The following NHSL3 variants were observed in gnomAD, a reference collection of about 807,000 sequenced individuals.
The protein encoded by NHSL3 is NHS-like protein 3.
At chr1:32,757,764 G>A in the NHSL3 span, among the ~76,000 whole-genome samples, 1 of 152,196 alleles carries the variant, frequency 6.6e-6, no homozygotes, top group African/African-American at 2.4e-5. Flanking sequence ...ACACAGCAAG[G>A]AGATGGCTGA....
the NHSL3 span, chr1:32,770,397 C>A: frequency 6.2e-7 from 1 of 1,607,884 alleles, no homozygotes; most frequent in Non-Finnish European, 8.5e-7. This position sits in a 1 kb window ranked among gnomAD's most constrained non-coding sequence, Gnocchi z 8.3. Flanking sequence ...AGCCCCGCAG[C>A]CGCCACCCAT....
chr1:32,748,163 C>T, the NHSL3 span, among the ~76,000 whole-genome samples: 1 of 151,878 alleles, frequency 6.6e-6, no homozygotes, highest in African/African-American at 2.4e-5. Context: ...CCTGTAGTCC[C>T]AGGTACTTGG....
At chr1:32,744,962 C>G in the NHSL3 span, among the ~76,000 whole-genome samples, 1,838 of 151,766 alleles carry the variant, frequency 0.012, 35 homozygotes, top group African/African-American at 0.041. Context: ...CCCGTCTCTA[C>G]TAAAATACAA....
chr1:32,768,522 G>A, the NHSL3 span: 1 of 1,012,300 alleles, frequency 9.9e-7, no homozygotes, highest in Non-Finnish European at 1.5e-6. Flanking sequence ...TTGAACTTGG[G>A]AGGCGGAGGT....
chr1:32,772,537 CTT>C, the NHSL3 span: 10 of 1,458,996 alleles, frequency 6.9e-6, no homozygotes, highest in East Asian at 2.4e-4. Context: ...GGATCTTTAA[CTT>C]TTCTGGTCTG....
the NHSL3 span, among the ~76,000 whole-genome samples, chr1:32,753,655 G>A: frequency 6.6e-6 from 1 of 152,366 alleles, no homozygotes; most frequent in East Asian, 1.9e-4. Context: ...CGATACATTT[G>A]TACACACAGG....
At chr1:32,767,940 G>A in the NHSL3 span, 10 of 1,613,516 alleles carry the variant, frequency 6.2e-6, no homozygotes, top group African/African-American at 1.3e-5. Context: ...GAGGGGCTCC[G>A]CTCCCTACAA....
At chr1:32,755,239 C>G in the NHSL3 span, among the ~76,000 whole-genome samples, 109 of 152,300 alleles carry the variant, frequency 7.2e-4, no homozygotes, top group African/African-American at 2.6e-3. Context: ...TCCCTCCTCC[C>G]CAAGATAGAG....
the NHSL3 span, among the ~76,000 whole-genome samples, chr1:32,742,837 C>G: frequency 2.0e-5 from 3 of 152,256 alleles, no homozygotes; most frequent in African/African-American, 7.2e-5. Flanking sequence ...ACTCCTTCTT[C>G]CAGCCCTGGA....
chr1:32,763,047 C>T, the NHSL3 span, among the ~76,000 whole-genome samples: 17 of 147,834 alleles, frequency 1.1e-4, no homozygotes, highest in African/African-American at 4.3e-4. Context: ...ATGGTGCAAT[C>T]TCAGCTCACT....
At chr1:32,761,548 T>G in the NHSL3 span, among the ~76,000 whole-genome samples, 2 of 152,174 alleles carry the variant, frequency 1.3e-5, no homozygotes, top group African/African-American at 4.8e-5. Context: ...TGAAGATGAC[T>G]GTCCTGTGTG....
At chr1:32,758,405 TC>T in the NHSL3 span, among the ~76,000 whole-genome samples, 1 of 152,114 alleles carries the variant, frequency 6.6e-6, no homozygotes, top group Non-Finnish European at 1.5e-5. Context: ...TTTTCATCCT[TC>T]CCCCTGCCTG....
chr1:32,768,792 G>A, the NHSL3 span: 4 of 1,612,520 alleles, frequency 2.5e-6, no homozygotes, highest in East Asian at 2.2e-5. Flanking sequence ...TCATGGGCAG[G>A]GGAGAGGGAC....
chr1:32,767,822 G>A, the NHSL3 span: 1 of 1,613,794 alleles, frequency 6.2e-7, no homozygotes. Context: ...ACATCTAAGT[G>A]TAGGGCCTGG....
the NHSL3 span, among the ~76,000 whole-genome samples, chr1:32,760,060 T>C: frequency 6.6e-6 from 1 of 152,196 alleles, no homozygotes; most frequent in Non-Finnish European, 1.5e-5. Context: ...GAATGTGTAA[T>C]GGTTGGGGAG....
the NHSL3 span, among the ~76,000 whole-genome samples, chr1:32,761,490 C>A: frequency 6.6e-6 from 1 of 152,172 alleles, no homozygotes; most frequent in Non-Finnish European, 1.5e-5. Flanking sequence ...TCCTCCACCC[C>A]CATCTTGGCA....
At chr1:32,751,484 C>G in the NHSL3 span, among the ~76,000 whole-genome samples, 4 of 152,266 alleles carry the variant, frequency 2.6e-5, no homozygotes, top group East Asian at 3.9e-4. Context: ...CTTCAGGAAA[C>G]TGTTCTGGTT....
At chr1:32,769,829 GC>G in the NHSL3 span, 1 of 1,610,648 alleles carries the variant, frequency 6.2e-7, no homozygotes, top group Non-Finnish European at 8.5e-7. Context: ...TGGGTGGGGA[GC>G]CTTGGTCATC....
At chr1:32,754,277 AGT>A in the NHSL3 span, 3,111 of 599,722 alleles carry the variant, frequency 5.2e-3, 73 homozygotes, top group African/African-American at 0.048. Context: ...GGAGGGTGTG[AGT>A]GTGGGGGGGT....
Sources: allele counts gnomAD v4.1 joint callset (sites outside exome capture counted in the v4.1 genomes callset), GRCh38; gene constraint gnomAD v4.1.1; non-coding constraint Gnocchi (gnomAD v3.1); transcripts MANE v1.5; gene names NCBI Gene and HGNC (gene_info 2026-07-23, HGNC 2026-07-21).